The following RNF38 variants were observed in gnomAD, a reference collection of about 807,000 sequenced individuals.
RNF38 encodes ring finger protein 38.
Under a neutral mutation model 67.2 loss-of-function variants are expected in RNF38, and 15 were observed. The ratio of observed to expected loss-of-function variants is 0.22; its 90% confidence interval spans 0.15 to 0.34. The LOEUF (loss-of-function observed/expected upper bound fraction) is 0.34. Ranked by LOEUF, RNF38 falls within the 10% of genes least tolerant of loss-of-function variation. RNF38 has a pLI of 1.00. For missense variants in RNF38, 524 were observed against 639.9 expected (o/e 0.82, Z 1.95); for synonymous variants, 220 against 218.8 (o/e 1.01, Z -0.05).
chr9:36,398,453 G>T (rs1837715333), intron 1 of RNF38, among the ~76,000 whole-genome samples: 1 of 152,070 alleles, frequency 6.6e-6, no homozygotes, highest in Non-Finnish European at 1.5e-5. Flanking sequence ...TGTAAGAGTT[G>T]GGAAGAGACT....
In RNF38 at chr9:36,336,669, CCT is replaced by C. The variant is rs1192517454; in HGVS notation, c.*3081_*3082del. Reference sequence around the variant, plus strand: ...TCAGCAAATGATTCCAAAAAACACCCCTGTGAGCTTTCACAATCTGAAACGGC... The same window carrying C: ...TCAGCAAATGATTCCAAAAAACACCCGTGAGCTTTCACAATCTGAAACGGC... On this transcript the variant is annotated 3_prime_UTR_variant, in exon 12 of 12. Coordinates refer to ENST00000259605, the MANE Select transcript of RNF38 (RefSeq NM_022781.5). 3 of 152,458 alleles carry C rather than the reference CCT, an allele frequency of 2.0e-5. No individual in the cohort carries two copies. The highest frequency in any genetic ancestry group is 2.9e-5 in the Non-Finnish European group (2 of 68,020). 9.4% of individuals were successfully genotyped at this position (152,458 alleles called of 1,614,324 possible). A position where few individuals can be genotyped will look rare whatever the true frequency, so the allele number is the denominator to read the frequency against.
chr9:36,358,009 A>C, intron 4 of RNF38, 67 bp from the exon 5 acceptor site: 2 of 1,353,896 alleles, frequency 1.5e-6, no homozygotes, highest in Non-Finnish European at 2.1e-6. Context: ...TTCAAAATCA[A>C]CATTTGGTCA....
chr9:36,445,986 G>T (rs985010193), intron 1 of RNF38, among the ~76,000 whole-genome samples: 3 of 152,146 alleles, frequency 2.0e-5, no homozygotes, highest in Non-Finnish European at 4.4e-5. Flanking sequence ...CGTGCATTCT[G>T]CTTGAATCCA....
intron 1 of RNF38, among the ~76,000 whole-genome samples, chr9:36,438,329 C>G (rs1839116697): frequency 6.6e-6 from 1 of 152,074 alleles, no homozygotes; most frequent in Non-Finnish European, 1.5e-5. Context: ...AACCCGTGAC[C>G]CATGGGCTGC....
At chr9:36,347,044 C>T (rs1227336637) in intron 9 of RNF38, among the ~76,000 whole-genome samples, 2 of 131,926 alleles carry the variant, frequency 1.5e-5, no homozygotes, top group Non-Finnish European at 3.1e-5. Context: ...CACTAGAACC[C>T]GGGAGGCAGA....
intron 6 of RNF38, among the ~76,000 whole-genome samples, chr9:36,354,074 T>C (rs543055200): frequency 6.6e-6 from 1 of 152,246 alleles, no homozygotes; most frequent in Non-Finnish European, 1.5e-5. Flanking sequence ...TTTGGTATAT[T>C]AACAGTTATG....
intron 1 of RNF38, among the ~76,000 whole-genome samples, chr9:36,465,934 C>T (rs1445636459): frequency 6.6e-6 from 1 of 152,070 alleles, no homozygotes; most frequent in Non-Finnish European, 1.5e-5. Context: ...CACCTGTAGT[C>T]CCAGCTACTC....
In RNF38 at chr9:36,369,704, A is replaced by G; in HGVS notation, c.570+15T>C. On this transcript the variant is annotated intron_variant, in intron 4 of 11. Transcript: ENST00000259605. ...ATTTCAGCTTCTGTATTTCCAAGAC[A>G]TTCTGTTATTGTACCTGATCATGTA... 1 of 1,547,144 alleles carries G rather than the reference A, an allele frequency of 6.5e-7. No homozygotes were observed. The highest frequency in any genetic ancestry group is 2.0e-5 in the Admixed American group (1 of 49,020).
chr9:36,453,846 G>A (rs1839520091), intron 1 of RNF38, among the ~76,000 whole-genome samples: 1 of 152,138 alleles, frequency 6.6e-6, no homozygotes, highest in Non-Finnish European at 1.5e-5. Context: ...TTTTAAGTGT[G>A]ATAATGACAT....
intron 1 of RNF38, among the ~76,000 whole-genome samples, chr9:36,429,553 G>C (rs1467803363): frequency 6.6e-6 from 1 of 152,170 alleles, no homozygotes; most frequent in Non-Finnish European, 1.5e-5. Context: ...GGCTGAGGTG[G>C]GAGGATCATG....
chr9:36,462,625 T>C (rs1839759274), intron 1 of RNF38, among the ~76,000 whole-genome samples: 1 of 152,120 alleles, frequency 6.6e-6, no homozygotes, highest in Admixed American at 6.6e-5. Context: ...TTCCTTCGAA[T>C]TTCTGCTCAA....
chr9:36,480,121 G>A (rs1840215116), intron 1 of RNF38, among the ~76,000 whole-genome samples: 1 of 152,086 alleles, frequency 6.6e-6, no homozygotes, highest in South Asian at 2.1e-4. Context: ...TGGGCCTACA[G>A]GTTCACACCA....
chr9:36,375,051 A>G (rs747950663), intron 3 of RNF38, among the ~76,000 whole-genome samples: 1 of 152,190 alleles, frequency 6.6e-6, no homozygotes, highest in Non-Finnish European at 1.5e-5. Context: ...TATGAAATAC[A>G]TGACCTCTGG....
chr9:36,437,510 A>C (rs1839097285), intron 1 of RNF38, among the ~76,000 whole-genome samples: 1 of 152,144 alleles, frequency 6.6e-6, no homozygotes, highest in African/African-American at 2.4e-5. Context: ...CTAAAAACCG[A>C]AGAAGAAAAG....
chr9:36,464,407 A>C (rs753763705), intron 1 of RNF38, among the ~76,000 whole-genome samples: 1 of 151,832 alleles, frequency 6.6e-6, no homozygotes, highest in Non-Finnish European at 1.5e-5. Context: ...TCACTACTAA[A>C]AATACAAAAA....
At chr9:36,371,879 C>T (rs921748562) in intron 3 of RNF38, among the ~76,000 whole-genome samples, 1 of 152,126 alleles carries the variant, frequency 6.6e-6, no homozygotes, top group South Asian at 2.1e-4. Context: ...CGTTACACTA[C>T]ATTCTGGGAA....
chr9:36,457,007 T>C (rs989385395), intron 1 of RNF38, among the ~76,000 whole-genome samples: 7 of 152,124 alleles, frequency 4.6e-5, no homozygotes, highest in African/African-American at 1.7e-4. Flanking sequence ...AGCTGCTTTT[T>C]GCACTACTTC....
chr9:36,404,423 G>A (rs768020804), upstream of RNF38, among the ~76,000 whole-genome samples: 12 of 152,014 alleles, frequency 7.9e-5, no homozygotes, highest in Non-Finnish European at 1.8e-4. Context: ...AGGAATTTTA[G>A]AATCAAATTA....
intron 1 of RNF38, among the ~76,000 whole-genome samples, chr9:36,393,399 G>C (rs1170500018): frequency 6.6e-6 from 1 of 151,800 alleles, no homozygotes; most frequent in African/African-American, 2.4e-5. Context: ...AAATAAGTCT[G>C]GGACAAAACC....
Sources: allele counts gnomAD v4.1 joint callset (sites outside exome capture counted in the v4.1 genomes callset), GRCh38; gene constraint gnomAD v4.1.1; transcripts MANE v1.5; gene names NCBI Gene and HGNC (gene_info 2026-07-23, HGNC 2026-07-21).